The following ASXL3 variants were observed in gnomAD, a reference collection of about 807,000 sequenced individuals.
ASXL3 encodes putative Polycomb group protein ASXL3.
In ASXL3, 34 loss-of-function variants were observed where a neutral mutation model predicts 170.6. That is an observed-to-expected ratio of 0.20 (90% CI 0.15 to 0.27). ASXL3 has a LOEUF of 0.27. Among genes scored for constraint, ASXL3 ranks in the 10% least tolerant of loss-of-function variants. The pLI, the probability that ASXL3 is intolerant of heterozygous loss-of-function variation, is 1.00. For missense variants in ASXL3, 2,592 were observed against 2,695.3 expected (o/e 0.96, Z 0.85); for synonymous variants, 1,002 against 989.1 (o/e 1.01, Z -0.24).
intron 7 of ASXL3, among the ~76,000 whole-genome samples, chr18:33,673,679 C>A (rs2066383281): frequency 6.6e-6 from 1 of 152,058 alleles, no homozygotes; most frequent in Non-Finnish European, 1.5e-5. Context: ...TTCTTGTATT[C>A]TGATTTTTGT....
intron 5 of ASXL3, among the ~76,000 whole-genome samples, chr18:33,667,356 T>G (rs2066274778): frequency 1.3e-5 from 2 of 152,122 alleles, no homozygotes. Context: ...CTAGGCATGG[T>G]CTGGGGAGGC....
intron 2 of ASXL3, among the ~76,000 whole-genome samples, chr18:33,612,877 T>C (rs2065359122): frequency 6.6e-6 from 1 of 152,124 alleles, no homozygotes; most frequent in Non-Finnish European, 1.5e-5. Flanking sequence ...CTTCCTTTAA[T>C]ACTGAAATGG....
chr18:33,662,292 A>G (rs577748743), intron 5 of ASXL3, among the ~76,000 whole-genome samples: 1 of 152,294 alleles, frequency 6.6e-6, no homozygotes, highest in South Asian at 2.1e-4. Context: ...GAGATGGTGC[A>G]GGGATAGACA....
chr18:33,704,350 G>A (rs1196123663), intron 8 of ASXL3, among the ~76,000 whole-genome samples: 1 of 152,074 alleles, frequency 6.6e-6, no homozygotes, highest in Non-Finnish European at 1.5e-5. Flanking sequence ...CAGGGAGGTT[G>A]ACAGTTTCCA....
At chr18:33,696,468 G>A (rs761279181) in intron 8 of ASXL3, among the ~76,000 whole-genome samples, 4 of 152,078 alleles carry the variant, frequency 2.6e-5, no homozygotes, top group South Asian at 2.1e-4. Flanking sequence ...GGGGAAGAAC[G>A]CCATCCAGAT....
chr18:33,712,505 A>T (rs543393024), intron 8 of ASXL3, among the ~76,000 whole-genome samples: 1 of 152,248 alleles, frequency 6.6e-6, no homozygotes, highest in South Asian at 2.1e-4. Context: ...CTGCTCTCTT[A>T]TTTCACCTGT....
chr18:33,658,089 T>A (rs976318353), intron 4 of ASXL3, among the ~76,000 whole-genome samples: 5 of 152,116 alleles, frequency 3.3e-5, no homozygotes, highest in African/African-American at 1.2e-4. Context: ...TGCATGTCAG[T>A]CTTTGATATT....
Position 33,739,281 on chromosome 18 carries a change from C to T in ASXL3, c.1877C>T (p.Pro626Leu). The T allele has an allele frequency of 1.2e-6, 2 of 1,613,712 alleles. No individual in the cohort carries two copies. Among genetic ancestry groups the T allele is most frequent in the South Asian group, 2.2e-5 (2 of 91,040 alleles). Residue 626 changes from proline to leucine, a missense_variant, in exon 11 of 12, where the codon CCT becomes CTT. This residue lies in a region of ASXL3 where 2,246 missense variants were observed against 2,219.6 expected (regional missense o/e 1.01). Transcript: ENST00000269197. ...CCAGAGGGAGCCTGTACCAGCCTGCCTTCTCCAGGAGGGGAAACACAGTCC... is the reference window on the plus strand; with the variant it reads ...CCAGAGGGAGCCTGTACCAGCCTGCTTTCTCCAGGAGGGGAAACACAGTCC... Reference protein sequence around the residue: ...ESPEGACTSLPSPGGETQSTS... With the variant: ...ESPEGACTSLLSPGGETQSTS...
chr18:33,701,785 G>C (rs2066878482), intron 8 of ASXL3, among the ~76,000 whole-genome samples: 1 of 152,016 alleles, frequency 6.6e-6, no homozygotes, highest in South Asian at 2.1e-4. Context: ...AATATAGAAA[G>C]TTAAACATTT....
chr18:33,729,942 T>G (rs2067415579), intron 8 of ASXL3, among the ~76,000 whole-genome samples: 1 of 152,126 alleles, frequency 6.6e-6, no homozygotes, highest in East Asian at 1.9e-4. Flanking sequence ...TGCAGCAGTC[T>G]TATTTCCTCA....
In ASXL3 at chr18:33,745,131, A is replaced by G; in HGVS notation, c.5283A>G (p.Glu1761=). 2 of 1,613,998 alleles carry G rather than the reference A, an allele frequency of 1.2e-6. No homozygotes were observed. The highest frequency in any genetic ancestry group is 1.7e-6 in the Non-Finnish European group (2 of 1,179,888). ...TACTACAGGGCAACCTGCCTTTGGA[A>G]AAAGTGTTGCCACAGCCCAGATTGG... is the stretch of plus-strand genomic sequence containing the variant. ...TQLLQGNLPL[E]KVLPQPRLGA... Residue 1761 remains glutamate (E), a synonymous_variant, in exon 12 of 12, where the codon GAA becomes GAG. Transcript: ENST00000269197.
chr18:33,709,771 CAT>C (rs1468890800), intron 8 of ASXL3, among the ~76,000 whole-genome samples: 6 of 152,196 alleles, frequency 3.9e-5, no homozygotes, highest in East Asian at 1.9e-4. Flanking sequence ...AAATATGTCA[CAT>C]GTGCAAAAAT....
At chr18:33,712,197 C>T (rs2067077694) in intron 8 of ASXL3, among the ~76,000 whole-genome samples, 1 of 151,934 alleles carries the variant, frequency 6.6e-6, no homozygotes, top group South Asian at 2.1e-4. Flanking sequence ...GTTTGTTTTC[C>T]ACCTGATACA....
At chr18:33,678,646 T>G (rs529318234) in intron 7 of ASXL3, among the ~76,000 whole-genome samples, 1 of 152,224 alleles carries the variant, frequency 6.6e-6, no homozygotes, top group Non-Finnish European at 1.5e-5. Context: ...TTTTCCCCTT[T>G]GCCCTACCTC....
rs111700299 is a variant in ASXL3 at position 33,720,753 on chromosome 18, T to C, written c.880-11215T>C. On this transcript the variant is annotated intron_variant, in intron 8 of 11. Coordinates refer to ENST00000269197, the MANE Select transcript of ASXL3 (RefSeq NM_030632.3). ...CTGTCAAAGGCTTTATTTTTGCCTT[T>C]AGATGTCTTTATTTCAGTTGTTTTT... is the stretch of plus-strand genomic sequence containing the variant. Among the ~76,000 whole-genome samples, 552 of 152,226 alleles carry C rather than the reference T, an allele frequency of 3.6e-3. 4 individuals carry two copies. The highest frequency in any genetic ancestry group is 5.1e-3 in the Non-Finnish European group (348 of 68,002).
At chr18:33,666,946 C>T (rs549520041) in intron 5 of ASXL3, among the ~76,000 whole-genome samples, 8 of 152,160 alleles carry the variant, frequency 5.3e-5, no homozygotes, top group Non-Finnish European at 1.0e-4. Context: ...AGGTGCTGAA[C>T]AGCTAGTCAA....
At chr18:33,590,903 A>G (rs940866664) in intron 1 of ASXL3, among the ~76,000 whole-genome samples, 25 of 152,334 alleles carry the variant, frequency 1.6e-4, no homozygotes, top group Admixed American at 3.9e-4. Context: ...ACTAAAATAT[A>G]CATTTCTTCG....
intron 11 of ASXL3, 123 bp from the exon 12 acceptor site, chr18:33,742,765 G>T: frequency 7.4e-7 from 1 of 1,347,414 alleles, no homozygotes; most frequent in Non-Finnish European, 9.8e-7. Flanking sequence ...GGATTTAGGT[G>T]TAGTTCATGG....
At chr18:33,650,540 A>C (rs372147271) in intron 4 of ASXL3, among the ~76,000 whole-genome samples, 171 of 152,242 alleles carry the variant, frequency 1.1e-3, no homozygotes, top group African/African-American at 3.8e-3. Flanking sequence ...TGATAATGAC[A>C]TCCTAAATTC....
Sources: gnomAD v4.1 joint callset for allele counts (sites outside exome capture counted in the v4.1 genomes callset) on GRCh38, gnomAD v4.1.1 for gene constraint, gnomAD v4.1.1 regional missense constraint, MANE v1.5 for transcripts, NCBI Gene and HGNC (gene_info 2026-07-23, HGNC 2026-07-21) for gene names.